The following PSMG2 variants were observed in gnomAD, a reference collection of about 807,000 sequenced individuals.
PSMG2 encodes the protein proteasome assembly chaperone 2, also known as CD40 ligand-activated specific transcript 3.
Under a neutral mutation model 31.5 loss-of-function variants are expected in PSMG2, and 21 were observed. That is an observed-to-expected ratio of 0.67 (90% CI 0.47 to 0.96). The LOEUF is 0.96. Ranked by LOEUF, PSMG2 falls within the 40% of genes least tolerant of loss-of-function variation. The probability of loss-of-function intolerance (pLI) is 0.00; values close to 1 mark genes in which losing one functional copy is unlikely to be tolerated. For synonymous variants in PSMG2, 120 were observed against 110.4 expected (o/e 1.09, Z -0.54); for missense variants, 318 against 321.2 (o/e 0.99, Z 0.08).
In PSMG2 at chr18:12,703,171, C is replaced by A; in HGVS notation, c.57+7C>A. The A allele has an allele frequency of 6.2e-7, 1 of 1,607,278 alleles. No individual in the cohort carries two copies. The highest frequency in any genetic ancestry group is 1.3e-5 in the African/African-American group (1 of 74,844). ...CGGCTTCACCCTCCTAATGGTGAGT[C>A]TCCATTTGCGCTCGGGGCTGCCGCC... On this transcript the variant is annotated splice_region_variant and intron_variant, in intron 1 of 6. Transcript: ENST00000317615.
chr18:12,718,758 A>C (rs887616207), intron 4 of PSMG2, 123 bp downstream of exon 4: 2 of 617,388 alleles, frequency 3.2e-6, no homozygotes, highest in East Asian at 5.7e-5. Context: ...GTTTAGAAAG[A>C]GGGGGGTAAG....
intron 1 of PSMG2, among the ~76,000 whole-genome samples, chr18:12,663,092 T>C (rs1479308234): frequency 2.0e-5 from 3 of 152,206 alleles, no homozygotes; most frequent in Non-Finnish European, 2.9e-5. Flanking sequence ...AGCCTGCAAA[T>C]GTTAAGTGAC....
At chr18:12,695,851 T>TA (rs1598658745) in intron 1 of PSMG2, among the ~76,000 whole-genome samples, 3 of 110,680 alleles carry the variant, frequency 2.7e-5, no homozygotes, top group East Asian at 2.8e-4. Context: ...TCATTCCTTC[T>TA]CCACACACAC....
chr18:12,705,546 AGAGAGAGAG>A (rs1443108011), intron 1 of PSMG2, among the ~76,000 whole-genome samples: 14 of 42,418 alleles, frequency 3.3e-4, no homozygotes, highest in African/African-American at 7.7e-4. Flanking sequence ...CATGGGAAAA[AGAGAGAGAG>A]AGAGAGAGAG....
intron 2 of PSMG2, among the ~76,000 whole-genome samples, chr18:12,709,046 A>G (rs1466881782): frequency 7.2e-6 from 1 of 139,604 alleles, no homozygotes; most frequent in South Asian, 2.3e-4. Flanking sequence ...TATTTTATTT[A>G]TTTATTTTGG....
chr18:12,691,776 C>T (rs2039772929), intron 1 of PSMG2, among the ~76,000 whole-genome samples: 2 of 150,512 alleles, frequency 1.3e-5, no homozygotes, highest in African/African-American at 2.4e-5. Flanking sequence ...AGTGCAGTGG[C>T]AAGATCTCAG....
chr18:12,669,399 A>AC (rs1293069900), intron 1 of PSMG2, among the ~76,000 whole-genome samples: 2 of 151,924 alleles, frequency 1.3e-5, no homozygotes, highest in Non-Finnish European at 2.9e-5. Flanking sequence ...GGCATGAGCC[A>AC]CCGCGCCTGG....
chr18:12,687,857 G>T (rs963649754), intron 1 of PSMG2, among the ~76,000 whole-genome samples: 4 of 152,042 alleles, frequency 2.6e-5, no homozygotes, highest in Non-Finnish European at 4.4e-5. Flanking sequence ...TAATAATCTA[G>T]TGTGGTATAA....
At chr18:12,679,556 A>G (rs574514640) in intron 1 of PSMG2, among the ~76,000 whole-genome samples, 7 of 152,138 alleles carry the variant, frequency 4.6e-5, no homozygotes, top group Non-Finnish European at 8.8e-5. Flanking sequence ...TTTCGTGGCC[A>G]TGTGACAAGG....
chr18:12,690,081 G>A (rs1478856724), intron 1 of PSMG2, among the ~76,000 whole-genome samples: 4 of 141,070 alleles, frequency 2.8e-5, no homozygotes, highest in Non-Finnish European at 4.9e-5. Flanking sequence ...GAGCCACCGC[G>A]CCCGGCCAGG....
upstream of PSMG2, chr18:12,702,756 C>A (rs574117627): frequency 3.4e-3 from 2,046 of 594,500 alleles, 26 homozygotes; most frequent in Middle Eastern, 0.017. Flanking sequence ...CAACTGTTTT[C>A]AAACAGTGGC....
chr18:12,662,919 CTCCTT>C (rs1344003624), intron 1 of PSMG2, among the ~76,000 whole-genome samples: 18 of 152,300 alleles, frequency 1.2e-4, no homozygotes, highest in African/African-American at 4.1e-4. Flanking sequence ...TAATGTGATT[CTCCTT>C]TAAGATAATT....
At chr18:12,707,112 C>T (rs1312686302) in intron 2 of PSMG2, among the ~76,000 whole-genome samples, 1 of 152,156 alleles carries the variant, frequency 6.6e-6, no homozygotes, top group Non-Finnish European at 1.5e-5. Flanking sequence ...CCTGCCACCG[C>T]ACCTGGCTAA....
intron 1 of PSMG2, among the ~76,000 whole-genome samples, chr18:12,696,623 T>C (rs1469485104): frequency 1.3e-5 from 2 of 152,118 alleles, no homozygotes; most frequent in African/African-American, 2.4e-5. Context: ...AGATAAAACA[T>C]TGGTAGGTTT....
intron 1 of PSMG2, among the ~76,000 whole-genome samples, chr18:12,703,855 A>T (rs2040230212): frequency 6.6e-6 from 1 of 152,166 alleles, no homozygotes. Context: ...GAGTAGGGGA[A>T]AGTAGGCGTT....
intron 2 of PSMG2, among the ~76,000 whole-genome samples, chr18:12,708,709 T>TA: frequency 6.7e-6 from 1 of 148,558 alleles, no homozygotes; most frequent in Admixed American, 6.7e-5. Flanking sequence ...TCTTTTTTTT[T>TA]TTTTTTTTTT....
At chr18:12,721,245 G>A (rs548394883) in intron 5 of PSMG2, among the ~76,000 whole-genome samples, 147 of 152,230 alleles carry the variant, frequency 9.7e-4, no homozygotes, top group Non-Finnish European at 1.7e-3. Flanking sequence ...TTAGGGGAAA[G>A]ATTTAAACTT....
At chr18:12,701,243 G>A, upstream of PSMG2, 1 of 642,168 alleles carries the variant, frequency 1.6e-6, no homozygotes, top group South Asian at 2.1e-5. Flanking sequence ...ACAAAGGTAA[G>A]CTTTTAAAGA....
At chr18:12,720,443 A>C (rs1354260873) in intron 4 of PSMG2, 67 bp from the exon 5 acceptor site, 1 of 1,315,228 alleles carries the variant, frequency 7.6e-7, no homozygotes, top group African/African-American at 1.5e-5. Flanking sequence ...AGACCAAGAG[A>C]ATTTTAGCTA....
Sources: allele counts gnomAD v4.1 joint callset (sites outside exome capture counted in the v4.1 genomes callset), GRCh38; gene constraint gnomAD v4.1.1; transcripts MANE v1.5; gene names NCBI Gene and HGNC (gene_info 2026-07-23, HGNC 2026-07-21).